ATP2C1: variants seen among roughly 807,000 people sequenced by gnomAD.
ATP2C1 encodes the protein calcium-transporting ATPase type 2C member 1.
Under a neutral mutation model 120.5 loss-of-function variants are expected in ATP2C1, and 31 were observed. The ratio of observed to expected loss-of-function variants is 0.26; its 90% CI spans 0.19 to 0.35. The LOEUF (loss-of-function observed/expected upper bound fraction) is 0.35. Ranked by LOEUF, ATP2C1 falls within the 10% of genes least tolerant of loss-of-function variation. The pLI, the probability that ATP2C1 is intolerant of heterozygous loss-of-function variation, is 1.00. For missense variants in ATP2C1, 731 were observed against 1,107.5 expected, an observed-to-expected ratio of 0.66 and a Z score of 4.83; for synonymous variants, 351 against 358.7, an observed-to-expected ratio of 0.98 and a Z score of 0.24.
rs539477186 is a variant in ATP2C1 at position 130,937,077 on chromosome 3, A to G, written c.325-351A>G. On this transcript the variant is annotated intron_variant, in intron 5 of 27. Transcript: ENST00000510168. Reference sequence around the variant, plus strand: ...TTGTGTTAGCATGTAATGAGGTTTAAAATTTTTTACATGAGTTGATGAGTA... The same window carrying G: ...TTGTGTTAGCATGTAATGAGGTTTAGAATTTTTTACATGAGTTGATGAGTA... Among the ~76,000 whole-genome samples the G allele has an allele frequency of 7.2e-5, 11 of 152,322 alleles. No homozygotes were observed. In the East Asian group the frequency reaches 2.1e-3, roughly 29 times the overall value.
intron 2 of ATP2C1, among the ~76,000 whole-genome samples, chr3:130,917,046 G>A (rs529577232): frequency 6.6e-6 from 1 of 152,294 alleles, no homozygotes; most frequent in East Asian, 1.9e-4. Flanking sequence ...GAAAGCAGTA[G>A]ACATTCAGTA....
At chr3:130,881,756 C>T (rs2068788608) in intron 1 of ATP2C1, among the ~76,000 whole-genome samples, 1 of 152,166 alleles carries the variant, frequency 6.6e-6, no homozygotes, top group Admixed American at 6.5e-5. Context: ...CAGTTTTCAT[C>T]ATAGAGATGT....
intron 8 of ATP2C1, among the ~76,000 whole-genome samples, chr3:130,949,856 T>C (rs1360513108): frequency 1.3e-5 from 2 of 152,140 alleles, no homozygotes; most frequent in Admixed American, 6.5e-5. Flanking sequence ...AAGTAAGAAA[T>C]TTTATCATGA....
chr3:130,993,948 G>A lies in ATP2C1; in HGVS notation c.1907G>A (p.Gly636Asp), dbSNP rs746157515. 1 of 1,614,114 alleles carries A rather than the reference G, an allele frequency of 6.2e-7. No individual in the cohort carries two copies. The highest frequency in any genetic ancestry group is 8.5e-7 in the Non-Finnish European group (1 of 1,179,996). ...CCACTCTAGTCGCTACAGAAGAACG[G>A]TTCAGTTGTAGCCATGACAGGAGAT... ...MKIIKSLQKN[G>D]SVVAMTGDGV... The change falls in exon 22 of 28, where the codon GGT becomes GAT. Residue 636 changes from glycine to aspartate, a missense_variant. By Grantham distance (94) the Gly-to-Asp change is moderately conservative. Around this residue, in one of 3 missense-constraint regions of ATP2C1, gnomAD observed 571 missense variants for 845.9 expected, o/e 0.67. Coordinates refer to ENST00000510168, the MANE Select transcript of ATP2C1 (RefSeq NM_001378687.1).
At chr3:130,950,436 G>T (rs898607370) in intron 8 of ATP2C1, among the ~76,000 whole-genome samples, 1 of 152,026 alleles carries the variant, frequency 6.6e-6, no homozygotes, top group Non-Finnish European at 1.5e-5. Flanking sequence ...AATGAATAAT[G>T]ACTCTAATAT....
Position 130,947,298 on chromosome 3 carries a change from A to G in ATP2C1, c.531+5599A>G, listed in dbSNP as rs1323452509. On this transcript the variant is annotated intron_variant, in intron 8 of 27. Coordinates refer to ENST00000510168, the MANE Select transcript of ATP2C1 (RefSeq NM_001378687.1). ...AGCTTTTTTGAGATATAATGTGCAT[A>G]TCATACAGTTCACACATTTAAGGTG... is the stretch of plus-strand genomic sequence containing the variant. Among the ~76,000 whole-genome samples the G allele has an allele frequency of 2.0e-5, 3 of 152,196 alleles. No homozygotes were observed. The East Asian group carries it at 5.8e-4, about 29-fold the overall frequency.
chr3:130,931,705 G>T (rs2059455067), intron 3 of ATP2C1, among the ~76,000 whole-genome samples: 2 of 151,956 alleles, frequency 1.3e-5, no homozygotes, highest in African/African-American at 4.8e-5. Context: ...ATTTTGTTGA[G>T]ATATAATTCA....
At chr3:130,973,373 G>T (rs1003590726) in intron 17 of ATP2C1, among the ~76,000 whole-genome samples, 1 of 152,148 alleles carries the variant, frequency 6.6e-6, no homozygotes, top group African/African-American at 2.4e-5. Context: ...AAGCAAAGGG[G>T]AGATCATATA....
chr3:130,980,524 C>G, intron 19 of ATP2C1, 58 bp from the exon 20 acceptor site: 1 of 1,245,698 alleles, frequency 8.0e-7, no homozygotes, highest in East Asian at 2.3e-5. Flanking sequence ...ATTACGTTGA[C>G]TAGCCTGTCA....
In ATP2C1 at chr3:130,970,947, C is replaced by T. The variant is rs527422483; in HGVS notation, c.1413+1551C>T. Among the ~76,000 whole-genome samples the T allele has an allele frequency of 6.6e-5, 10 of 152,164 alleles. No individual in the cohort carries two copies. In the East Asian group the frequency reaches 1.2e-3, roughly 18 times the overall value. On this transcript the variant is annotated intron_variant, in intron 17 of 27. Coordinates refer to ENST00000510168, the MANE Select transcript of ATP2C1 (RefSeq NM_001378687.1). ...TCATGAGGGCCAAAAAAAAGATTTC[C>T]GTCTATTCTTTAAAGGAACTTTTAC...
chr3:130,900,122 G>A (rs1171312939), intron 2 of ATP2C1, among the ~76,000 whole-genome samples: 1 of 151,882 alleles, frequency 6.6e-6, no homozygotes, highest in African/African-American at 2.4e-5. Context: ...GGACACAGTA[G>A]CATCATTATA....
chr3:130,925,381 C>T (rs2059159298), intron 2 of ATP2C1, among the ~76,000 whole-genome samples: 1 of 151,964 alleles, frequency 6.6e-6, no homozygotes, highest in Admixed American at 6.6e-5. Context: ...TACCAGGTGC[C>T]AGGCTAGTAC....
At chr3:130,915,613 C>T (rs992030386) in intron 2 of ATP2C1, among the ~76,000 whole-genome samples, 9 of 152,012 alleles carry the variant, frequency 5.9e-5, no homozygotes, top group African/African-American at 9.7e-5. Flanking sequence ...GGGAAAAACA[C>T]GTTTGGATGA....
At chr3:130,862,230 T>C (rs1317334977) in intron 1 of ATP2C1, among the ~76,000 whole-genome samples, 1 of 151,304 alleles carries the variant, frequency 6.6e-6, no homozygotes, top group Admixed American at 6.6e-5. Flanking sequence ...TGATCCCTAC[T>C]CCTTGGCCTC....
upstream of ATP2C1, among the ~76,000 whole-genome samples, chr3:130,891,954 A>G (rs2069185113): frequency 2.0e-5 from 3 of 152,188 alleles, no homozygotes; most frequent in South Asian, 6.2e-4. Flanking sequence ...TAATTGGTCA[A>G]TTCTTCTTGG....
At chr3:130,920,408 T>C (rs950018551) in intron 2 of ATP2C1, among the ~76,000 whole-genome samples, 7 of 152,188 alleles carry the variant, frequency 4.6e-5, no homozygotes, top group African/African-American at 1.7e-4. Flanking sequence ...TACATGTAGA[T>C]ATGAAGTTTT....
chr3:131,013,193 GC>G (rs2063402609), intron 26 of ATP2C1, among the ~76,000 whole-genome samples: 1 of 152,120 alleles, frequency 6.6e-6, no homozygotes, highest in South Asian at 2.1e-4. Context: ...AATTTTAGCA[GC>G]CTCTATTTGG....
chr3:130,986,570 G>A (rs939144159), intron 20 of ATP2C1, among the ~76,000 whole-genome samples: 1 of 152,164 alleles, frequency 6.6e-6, no homozygotes, highest in Non-Finnish European at 1.5e-5. Flanking sequence ...CAGATATCCT[G>A]ATGCTATTCC....
At chr3:130,996,848 C>T (rs2062644503) in intron 24 of ATP2C1, 52 bp downstream of exon 24, 1 of 1,225,940 alleles carries the variant, frequency 8.2e-7, no homozygotes, top group Admixed American at 1.7e-5. Context: ...GTGTACTACC[C>T]TGATAATTAA....
Sources: gnomAD v4.1 joint callset for allele counts (sites outside exome capture counted in the v4.1 genomes callset) on GRCh38, gnomAD v4.1.1 for gene constraint, gnomAD v4.1.1 regional missense constraint, MANE v1.5 for transcripts, NCBI Gene and HGNC (gene_info 2026-07-23, HGNC 2026-07-21) for gene names.